ARHGEF11: variants seen among roughly 807,000 people sequenced by gnomAD.
ARHGEF11 encodes Rho guanine exchange factor (GEF) 11.
ARHGEF11 carries 55 observed loss-of-function variants against 193.7 expected under a neutral mutation model. That is an observed-to-expected ratio of 0.28 (90% CI 0.23 to 0.36). ARHGEF11 has a LOEUF of 0.36. Ranked by LOEUF, ARHGEF11 falls within the 10% of genes least tolerant of loss-of-function variation. The pLI is 1.00. For missense variants in ARHGEF11, 1,723 were observed against 2,005.6 expected (o/e 0.86, Z 2.69); for synonymous variants, 693 against 768.0 (o/e 0.90, Z 1.62).
intron 1 of ARHGEF11, among the ~76,000 whole-genome samples, chr1:156,992,205 T>C (rs1252611627): frequency 6.6e-6 from 1 of 152,240 alleles, no homozygotes; most frequent in Middle Eastern, 3.2e-3. Flanking sequence ...CATATTCTTA[T>C]TTTCCTTTCT....
At chr1:156,939,967 G>C in intron 36 of ARHGEF11, 57 bp from the exon 37 acceptor site, 2 of 1,580,760 alleles carry the variant, frequency 1.3e-6, no homozygotes, top group Non-Finnish European at 8.5e-7. Context: ...CACGCCAGAA[G>C]GATCGTTGTA....
rs183039779 is a variant in ARHGEF11 at position 157,021,047 on chromosome 1, G to A, written c.32+23252C>T. 1.8e-4 allele frequency among the ~76,000 whole-genome samples: 27 copies of A among 152,344 alleles called. No individual in the cohort carries two copies. The East Asian group carries it at 5.0e-3, about 28-fold the overall frequency. On this transcript the variant is annotated intron_variant, in intron 1 of 40. Coordinates refer to ENST00000368194, the MANE Select transcript of ARHGEF11 (RefSeq NM_198236.3). ...CTGTGCACACATCAGAAAAGGTGGA[G>A]AAAGCAAAAGATTTAATGTTGAGAT...
intron 1 of ARHGEF11, among the ~76,000 whole-genome samples, chr1:157,003,393 A>G (rs927363601): frequency 2.0e-5 from 3 of 152,240 alleles, no homozygotes; most frequent in African/African-American, 7.2e-5. Context: ...GAGGGCAGGG[A>G]CTAGGGCTGC....
intron 1 of ARHGEF11, among the ~76,000 whole-genome samples, chr1:156,999,302 A>G (rs186095988): frequency 1.1e-3 from 171 of 152,252 alleles, no homozygotes; most frequent in African/African-American, 3.8e-3. Context: ...TACAGCTATT[A>G]AATAGTAGAG....
Position 156,951,643 on chromosome 1 carries a change from C to CAGT in ARHGEF11, c.1854_1855insACT (p.Tyr618_Asp619insThr). 6.2e-7 allele frequency: 1 copy of CAGT among 1,614,214 alleles called. No individual in the cohort carries two copies. Among genetic ancestry groups the CAGT allele is most frequent in the East Asian group, 2.2e-5 (1 of 44,888 alleles). ...CGTTGTGTCCCAGGTTCTGGGGCAT[C>CAGT]ATACTGCTGGTTGTTCTCAAAGTGC... On this transcript the variant is annotated inframe_insertion, in exon 22 of 41. Coordinates refer to ENST00000368194, the MANE Select transcript of ARHGEF11 (RefSeq NM_198236.3).
intron 1 of ARHGEF11, among the ~76,000 whole-genome samples, chr1:157,012,253 C>T (rs954977886): frequency 6.6e-6 from 1 of 152,052 alleles, no homozygotes; most frequent in African/African-American, 2.4e-5. Flanking sequence ...TTATATGAAT[C>T]CATGTATGTG....
In ARHGEF11 at chr1:156,947,391, A is replaced by G. The variant is rs1658341488; in HGVS notation, c.2401T>C (p.Tyr801His). The change falls in exon 26 of 41, where the codon TAC (tyrosine) becomes CAC (histidine). Residue 801 changes from tyrosine (Y) to histidine (H), a missense_variant. Transcript: ENST00000368194. ...AGGTTCTCCTTCTTCATTCGCTGGT[A>G]GAAGATCAGGTCCAGGACCCGGAGT... ...RTLRVLDLIF[Y>H]QRMKKENLMP... 1 of 1,614,030 alleles carries G rather than the reference A, an allele frequency of 6.2e-7. No individual in the cohort carries two copies. Among genetic ancestry groups the G allele is most frequent in the African/African-American group, 1.3e-5 (1 of 75,020 alleles).
At chr1:157,035,886 T>C (rs11264603) in intron 1 of ARHGEF11, among the ~76,000 whole-genome samples, 21,564 of 23,486 alleles carry the variant, frequency 0.92, 9,983 homozygotes, top group East Asian at 0.97. Flanking sequence ...TATAGGAATA[T>C]ATATAGGAAT....
intron 21 of ARHGEF11, among the ~76,000 whole-genome samples, chr1:156,954,311 C>T (rs916684794): frequency 1.5e-5 from 2 of 135,764 alleles, no homozygotes; most frequent in African/African-American, 2.8e-5. Context: ...ACCTGGGAGG[C>T]GGAGTTTGTA....
intron 1 of ARHGEF11, among the ~76,000 whole-genome samples, chr1:157,005,943 C>T (rs920574104): frequency 6.6e-6 from 1 of 152,208 alleles, no homozygotes; most frequent in Non-Finnish European, 1.5e-5. Flanking sequence ...GAGTATATCT[C>T]CCATTTTTGA....
intron 5 of ARHGEF11, 47 bp from the exon 6 acceptor site, chr1:156,978,429 G>A (rs768093642): frequency 1.3e-6 from 2 of 1,534,806 alleles, no homozygotes; most frequent in Admixed American, 2.1e-5. Flanking sequence ...CTGTTCTGGA[G>A]AGACAGTCCA....
intron 9 of ARHGEF11, 25 bp downstream of exon 9, chr1:156,969,972 GA>G: frequency 6.2e-7 from 1 of 1,612,864 alleles, no homozygotes; most frequent in Non-Finnish European, 8.5e-7. Flanking sequence ...ATATGCCAGA[GA>G]AAAAAGGGGT....
chr1:157,012,763 G>A (rs574667390), intron 1 of ARHGEF11, among the ~76,000 whole-genome samples: 6 of 152,176 alleles, frequency 3.9e-5, no homozygotes, highest in Non-Finnish European at 5.9e-5. Flanking sequence ...CAGCATTGCT[G>A]TTGAGTATTG....
At chr1:157,013,295 A>ACACACACACACACACACACACC (rs1557952661) in intron 1 of ARHGEF11, among the ~76,000 whole-genome samples, 44 of 149,924 alleles carry the variant, frequency 2.9e-4, no homozygotes, top group Middle Eastern at 3.4e-3. Context: ...ACACACACAC[A>ACACACACACACACACACACACC]CACACCAAGA....
intron 1 of ARHGEF11, among the ~76,000 whole-genome samples, chr1:157,019,167 A>C (rs1458486755): frequency 2.0e-5 from 3 of 152,224 alleles, no homozygotes; most frequent in Non-Finnish European, 2.9e-5. Flanking sequence ...TTTGTTCCTC[A>C]AAAGACAAAG....
chr1:156,946,064 G>A lies in ARHGEF11; in HGVS notation c.2793C>T (p.Ser931=). Residue 931 remains serine, a synonymous_variant, in exon 29 of 41, where the codon AGC becomes AGT. Transcript: ENST00000368194. Reference sequence around the variant, plus strand: ...TGCTACCCTCTGTGTGCTTGATGATGCTCTCCAGCAGCAGCGGGTACTTGG... The same window carrying A: ...TGCTACCCTCTGTGTGCTTGATGATACTCTCCAGCAGCAGCGGGTACTTGG... ...RLTKYPLLLE[S]IIKHTEGGTS... 2.5e-6 allele frequency: 4 copies of A among 1,613,430 alleles called. No homozygotes were observed. Among genetic ancestry groups the A allele is most frequent in the Non-Finnish European group, 3.4e-6 (4 of 1,179,766 alleles).
chr1:156,944,144 C>T (rs769889702), intron 31 of ARHGEF11, 42 bp from the exon 32 acceptor site: 1 of 1,598,568 alleles, frequency 6.3e-7, no homozygotes, highest in Non-Finnish European at 8.5e-7. Context: ...CTGGTGCCTA[C>T]TCATCCCTCA....
chr1:156,952,486 G>A (rs1283535909), intron 21 of ARHGEF11, among the ~76,000 whole-genome samples: 3 of 152,232 alleles, frequency 2.0e-5, no homozygotes, highest in Non-Finnish European at 4.4e-5. Context: ...ATCCATATTA[G>A]AACAGGGGTG....
At chr1:156,944,127 G>A (rs768861195) in intron 31 of ARHGEF11, 25 bp from the exon 32 acceptor site, 3 of 1,606,348 alleles carry the variant, frequency 1.9e-6, no homozygotes, top group African/African-American at 2.7e-5. Flanking sequence ...TCATGGGAAG[G>A]TGTTCCCTGG....
Sources: allele counts gnomAD v4.1 joint callset (sites outside exome capture counted in the v4.1 genomes callset), GRCh38; gene constraint gnomAD v4.1.1; transcripts MANE v1.5; gene names NCBI Gene and HGNC (gene_info 2026-07-23, HGNC 2026-07-21).